Variants in CTTNBP2NL observed in about 807,000 individuals in gnomAD.
CTTNBP2NL encodes CTTNBP2 N-terminal-like protein.
Under a neutral mutation model 32.5 loss-of-function variants are expected in CTTNBP2NL, and 16 were observed. That is an observed-to-expected ratio of 0.49 (90% CI 0.33 to 0.75). CTTNBP2NL has a LOEUF of 0.75. Ranked by LOEUF, CTTNBP2NL falls within the 30% of genes least tolerant of loss-of-function variation. CTTNBP2NL has a pLI of 0.02. For missense variants in CTTNBP2NL, 645 were observed against 756.0 expected, an observed-to-expected ratio of 0.85 and a Z score of 1.72; for synonymous variants, 298 against 289.4, an observed-to-expected ratio of 1.03 and a Z score of -0.30.
rs139502278 is a variant in CTTNBP2NL at position 112,460,456 on chromosome 1, AT to A, written c.*3050del. ...AGCCTTTACAATAATCCAGTCTGTG[AT>A]TTTTTAAACCTTTTGGTGGTTCTGG... is the stretch of plus-strand genomic sequence containing the variant. On this transcript the variant is annotated 3_prime_UTR_variant, in exon 6 of 6. Transcript: ENST00000271277. The A allele has an allele frequency of 1.3e-5, 2 of 152,130 alleles. No homozygotes were observed. The highest frequency in any genetic ancestry group is 2.9e-5 in the Non-Finnish European group (2 of 68,014). 9.4% of individuals were successfully genotyped at this position (152,130 alleles called of 1,614,324 possible).
At chr1:112,395,072 A>G (rs1648282185), upstream of CTTNBP2NL, among the ~76,000 whole-genome samples, 1 of 152,236 alleles carries the variant, frequency 6.6e-6, no homozygotes, top group South Asian at 2.1e-4. Context: ...TGCATGAGGC[A>G]GGCTGCATCT....
chr1:112,429,462 T>C (rs900306767), intron 3 of CTTNBP2NL, among the ~76,000 whole-genome samples: 6 of 152,178 alleles, frequency 3.9e-5, no homozygotes, highest in Non-Finnish European at 5.9e-5. Flanking sequence ...TAATGCAAAA[T>C]GATTTTGCCT....
intron 4 of CTTNBP2NL, among the ~76,000 whole-genome samples, chr1:112,453,295 C>T (rs985556768): frequency 6.6e-6 from 1 of 152,072 alleles, no homozygotes; most frequent in Non-Finnish European, 1.5e-5. Flanking sequence ...ACTCTCTTCA[C>T]TCATAAAAAT....
chr1:112,402,027 C>T (rs908953336), intron 1 of CTTNBP2NL, among the ~76,000 whole-genome samples: 3 of 152,156 alleles, frequency 2.0e-5, no homozygotes, highest in Admixed American at 6.5e-5. Flanking sequence ...GACTCCTGAC[C>T]GTGAGCTTCG....
Position 112,459,970 on chromosome 1 carries a change from A to G in CTTNBP2NL, c.*2558A>G, listed in dbSNP as rs1433559390. ...TGAGATAAATAAGCACAATCTTGCA[A>G]TGGATCCAATAACCCAGTTAGGTAT... On this transcript the variant is annotated 3_prime_UTR_variant, in exon 6 of 6. Coordinates refer to ENST00000271277, the MANE Select transcript of CTTNBP2NL (RefSeq NM_018704.3). 2.0e-5 allele frequency: 3 copies of G among 152,154 alleles called. No homozygotes were observed. Among genetic ancestry groups the G allele is most frequent in the Non-Finnish European group, 4.4e-5 (3 of 68,018 alleles). The allele number at this position is 152,154 out of a possible 1,614,324, so 9.4% of individuals were successfully genotyped here.
intron 1 of CTTNBP2NL, among the ~76,000 whole-genome samples, chr1:112,410,391 CA>C (rs11350803): frequency 0.38 from 48,693 of 127,322 alleles, 8,196 homozygotes; most frequent in East Asian, 0.58. Flanking sequence ...AACTCCATCT[CA>C]AAAAAAAAAA....
chr1:112,416,734 G>A (rs529884589), intron 3 of CTTNBP2NL, among the ~76,000 whole-genome samples: 16 of 152,016 alleles, frequency 1.1e-4, no homozygotes, highest in Middle Eastern at 3.4e-3. Context: ...CTGGTGATCC[G>A]CCCCCGCTTA....
At chr1:112,415,429 A>G (rs994646961) in intron 2 of CTTNBP2NL, among the ~76,000 whole-genome samples, 1 of 152,150 alleles carries the variant, frequency 6.6e-6, no homozygotes, top group African/African-American at 2.4e-5. Flanking sequence ...TGTTTTATAT[A>G]CAGTTTTGGA....
At chr1:112,406,566 C>T (rs1470493035) in intron 1 of CTTNBP2NL, among the ~76,000 whole-genome samples, 2 of 152,150 alleles carry the variant, frequency 1.3e-5, no homozygotes, top group Admixed American at 6.5e-5. Flanking sequence ...TAGCATATCA[C>T]CTAAGGTTGT....
At chr1:112,403,538 C>G (rs114895751) in intron 1 of CTTNBP2NL, among the ~76,000 whole-genome samples, 118 of 152,332 alleles carry the variant, frequency 7.7e-4, no homozygotes, top group African/African-American at 2.8e-3. Flanking sequence ...AATGTGATAA[C>G]TGCTCTTGAA....
intron 3 of CTTNBP2NL, among the ~76,000 whole-genome samples, chr1:112,441,205 T>TC (rs889675463): frequency 1.6e-4 from 25 of 152,172 alleles, no homozygotes; most frequent in Non-Finnish European, 3.7e-4. Flanking sequence ...CAGTCAATCA[T>TC]CCCCCTGTCC....
rs1650455404 is a variant in CTTNBP2NL at position 112,458,720 on chromosome 1, T to C, written c.*1308T>C. The C allele has an allele frequency of 6.6e-6, 1 of 152,150 alleles. No individual in the cohort carries two copies. Among genetic ancestry groups the C allele is most frequent in the East Asian group, 1.9e-4 (1 of 5,184 alleles). 9.4% of individuals were successfully genotyped at this position (152,150 alleles called of 1,614,324 possible). ...GGCACAGTGGCTCATGCCTGTAATC[T>C]TATCACTTTGGGAGGCTGAGATGGG... On this transcript the variant is annotated 3_prime_UTR_variant, in exon 6 of 6. Transcript: ENST00000271277.
upstream of CTTNBP2NL, among the ~76,000 whole-genome samples, chr1:112,392,011 A>C (rs1648199342): frequency 1.3e-5 from 2 of 152,006 alleles, no homozygotes; most frequent in Non-Finnish European, 2.9e-5. Context: ...TAAATAAATA[A>C]ATAAATAAAA....
chr1:112,454,598 C>T, intron 5 of CTTNBP2NL, 42 bp downstream of exon 5: 1 of 1,351,586 alleles, frequency 7.4e-7, no homozygotes, highest in Non-Finnish European at 1.1e-6. Context: ...TTGCCTGGAA[C>T]AGCATTTCCC....
At chr1:112,402,424 AAAG>A (rs935483766) in intron 1 of CTTNBP2NL, among the ~76,000 whole-genome samples, 1 of 152,212 alleles carries the variant, frequency 6.6e-6, no homozygotes, top group African/African-American at 2.4e-5. Context: ...ATCTCAAAAA[AAAG>A]AAAAGTGAGA....
At chr1:112,428,799 T>C (rs532415129) in intron 3 of CTTNBP2NL, among the ~76,000 whole-genome samples, 45 of 152,302 alleles carry the variant, frequency 3.0e-4, no homozygotes, top group African/African-American at 9.1e-4. Flanking sequence ...CTTTAAATGC[T>C]GATTATGACC....
intron 3 of CTTNBP2NL, among the ~76,000 whole-genome samples, chr1:112,431,054 T>G (rs533585406): frequency 6.6e-6 from 1 of 152,324 alleles, no homozygotes; most frequent in South Asian, 2.1e-4. Context: ...TGTGTTTTGT[T>G]TTGTTGTTGT....
chr1:112,398,814 TA>T (rs1491521397), intron 1 of CTTNBP2NL, among the ~76,000 whole-genome samples: 1 of 61,520 alleles, frequency 1.6e-5, no homozygotes, highest in African/African-American at 9.3e-5. Flanking sequence ...CCCTGTCTCT[TA>T]ACAAAAAAAA....
chr1:112,404,695 A>G (rs1330836323), intron 1 of CTTNBP2NL, among the ~76,000 whole-genome samples: 1 of 152,232 alleles, frequency 6.6e-6, no homozygotes, highest in Non-Finnish European at 1.5e-5. Flanking sequence ...GGTCAGATAC[A>G]TATTTGATTG....
Sources: gnomAD v4.1 joint callset for allele counts (sites outside exome capture counted in the v4.1 genomes callset) on GRCh38, gnomAD v4.1.1 for gene constraint, MANE v1.5 for transcripts, NCBI Gene and HGNC (gene_info 2026-07-23, HGNC 2026-07-21) for gene names.